The following UGGT1 variants were observed in gnomAD, a reference collection of about 807,000 sequenced individuals.
UGGT1 encodes the protein UDP-glucose glycoprotein glucosyltransferase 1.
A neutral mutation model predicts 203.9 loss-of-function variants in UGGT1; 107 were observed. That is an observed-to-expected ratio of 0.52 (90% CI 0.45 to 0.62). The LOEUF (loss-of-function observed/expected upper bound fraction) is 0.62. UGGT1 is among the 20% of genes least tolerant of loss of function. The pLI is 0.00. For synonymous variants in UGGT1, 628 were observed against 653.5 expected (o/e 0.96, Z 0.59); for missense variants, 1,673 against 1,867.2 (o/e 0.90, Z 1.92).
rs200683999 is a variant in UGGT1, at chr2:128,145,886, G to C, written c.1935G>C (p.Gln645His). ...ATGGAATGCCCTTTGAAAGGGAACA[G>C]CTAGACCCTGATGAGTTAGAAACCA... The part of the protein sequence containing the change: ...LFNGMPFERE[Q>H]LDPDELETIT... The change falls in exon 18 of 41, where the codon CAG becomes CAC. Residue 645 changes from glutamine to histidine, a missense_variant. Gln to His is a conservative substitution (Grantham distance 24, BLOSUM62 0). Around this residue, in one of 4 missense-constraint regions of UGGT1, gnomAD observed 1,073 missense variants for 1,078.7 expected, o/e 0.99. Transcript: ENST00000259253. 3 of 1,614,162 alleles carry C rather than the reference G, an allele frequency of 1.9e-6. No homozygotes were observed. Among genetic ancestry groups the C allele is most frequent in the African/African-American group, 1.3e-5 (1 of 75,052 alleles).
chr2:128,187,864 T>TTG (rs1270601219), intron 40 of UGGT1, among the ~76,000 whole-genome samples: 1 of 151,794 alleles, frequency 6.6e-6, no homozygotes, highest in East Asian at 1.9e-4. Flanking sequence ...GGTATTTTAA[T>TTG]TGTGATTATA....
At chr2:128,155,409 G>C (rs1317521396) in intron 19 of UGGT1, 80 bp from the exon 20 acceptor site, 3 of 1,046,166 alleles carry the variant, frequency 2.9e-6, no homozygotes, top group Non-Finnish European at 4.3e-6. Context: ...CTTATATTAT[G>C]ATCAAGTCAG....
At chr2:128,127,821 C>T (rs1254969422) in intron 12 of UGGT1, among the ~76,000 whole-genome samples, 1 of 152,192 alleles carries the variant, frequency 6.6e-6, no homozygotes. Context: ...TGCCTGAAAT[C>T]CCAGCACTTT....
intron 25 of UGGT1, 86 bp from the exon 26 acceptor site, chr2:128,164,644 A>G: frequency 9.3e-7 from 1 of 1,071,856 alleles, no homozygotes; most frequent in Non-Finnish European, 1.4e-6. Context: ...GTTAGAATTC[A>G]GTATTTGGGC....
intron 16 of UGGT1, among the ~76,000 whole-genome samples, chr2:128,142,642 T>C (rs915312799): frequency 1.6e-4 from 23 of 145,276 alleles, no homozygotes; most frequent in South Asian, 6.5e-4. Flanking sequence ...CTTAGTAAGG[T>C]ATATGGAAAA....
At chr2:128,182,698 C>CAAAA (rs70988612) in intron 37 of UGGT1, among the ~76,000 whole-genome samples, 1 of 118,332 alleles carries the variant, frequency 8.5e-6, no homozygotes, top group African/African-American at 3.2e-5. Flanking sequence ...GATTCCATCT[C>CAAAA]AAAAAAAAAA....
In UGGT1 at chr2:128,190,086, G is replaced by A. The variant is rs554005295; in HGVS notation, c.*344G>A. The A allele has an allele frequency of 3.4e-5, 7 of 206,360 alleles. No individual in the cohort carries two copies. The highest frequency in any genetic ancestry group is 5.4e-5 in the Admixed American group (1 of 18,574). The allele number at this position is 206,360 out of a possible 1,614,324, so 12.8% of individuals were successfully genotyped here. A position where few individuals can be genotyped will look rare whatever the true frequency, so the allele number is the denominator to read the frequency against. ...GAGCACACACATGCTGCACTGTCTCGGAAAGCAGGGCCAGCTAGAGCCACC... is the reference window on the plus strand; with the variant it reads ...GAGCACACACATGCTGCACTGTCTCAGAAAGCAGGGCCAGCTAGAGCCACC... On this transcript the variant is annotated 3_prime_UTR_variant, in exon 41 of 41. Transcript: ENST00000259253.
chr2:128,138,488 C>T (rs1689250010), intron 15 of UGGT1, among the ~76,000 whole-genome samples: 1 of 151,564 alleles, frequency 6.6e-6, no homozygotes, highest in African/African-American at 2.4e-5. Context: ...GCACTCCACC[C>T]TGGGCAACAA....
chr2:128,149,079 C>T (rs1689823405), intron 18 of UGGT1, among the ~76,000 whole-genome samples: 1 of 152,134 alleles, frequency 6.6e-6, no homozygotes, highest in East Asian at 2.0e-4. Flanking sequence ...GTCTCTCTGT[C>T]ACCCAGGCTG....
chr2:128,151,432 A>G (rs1252374694), intron 18 of UGGT1: 1 of 357,826 alleles, frequency 2.8e-6, no homozygotes, highest in East Asian at 6.2e-5. Flanking sequence ...ATTGGAGTCA[A>G]GTAGATTTAT....
chr2:128,156,429 T>C lies in UGGT1; in HGVS notation c.2260+14T>C. 1 of 1,578,752 alleles carries C rather than the reference T, an allele frequency of 6.3e-7. No individual in the cohort carries two copies. Among genetic ancestry groups the C allele is most frequent in the Non-Finnish European group, 8.7e-7 (1 of 1,150,102 alleles). On this transcript the variant is annotated intron_variant, in intron 21 of 40. Coordinates refer to ENST00000259253, the MANE Select transcript of UGGT1 (RefSeq NM_020120.4). ...AGGAAATCTATGGTAACTTAAAACT[T>C]CAGAATGTTCTATTTCTTAATTTTC...
intron 17 of UGGT1, among the ~76,000 whole-genome samples, chr2:128,144,656 G>A (rs1689592811): frequency 6.6e-6 from 1 of 152,218 alleles, no homozygotes; most frequent in African/African-American, 2.4e-5. Flanking sequence ...ATGATGTAGA[G>A]AAGTGGCTTG....
intron 14 of UGGT1, 34 bp downstream of exon 14, chr2:128,133,294 G>C: frequency 1.3e-6 from 2 of 1,557,692 alleles, no homozygotes; most frequent in East Asian, 2.4e-5. Context: ...TGTGAACTCT[G>C]TTTCTCCCTT....
intron 1 of UGGT1, among the ~76,000 whole-genome samples, chr2:128,095,062 T>G (rs1687049120): frequency 1.3e-5 from 2 of 152,154 alleles, no homozygotes; most frequent in African/African-American, 2.4e-5. Flanking sequence ...CCCAAGAGAA[T>G]TCTTAAGTTG....
At chr2:128,108,621 T>C (rs1687712336) in intron 4 of UGGT1, among the ~76,000 whole-genome samples, 2 of 152,036 alleles carry the variant, frequency 1.3e-5, no homozygotes, top group Non-Finnish European at 2.9e-5. Context: ...ATAAAAGCAA[T>C]GCTAATTTTA....
rs1689544561 is a variant in UGGT1, at chr2:128,143,642, C to T, written c.1851+417C>T. On this transcript the variant is annotated intron_variant, in intron 17 of 40. Transcript: ENST00000259253. Reference sequence around the variant, plus strand: ...GCTGAAAAATTGAATGAGAGTATCACACACCATGCTCCTTAGTTTCCTAGA... The same window carrying T: ...GCTGAAAAATTGAATGAGAGTATCATACACCATGCTCCTTAGTTTCCTAGA... Among the ~76,000 whole-genome samples the T allele has an allele frequency of 2.6e-5, 4 of 152,266 alleles. No homozygotes were observed. In the South Asian group the frequency reaches 8.3e-4, roughly 31 times the overall value.
At chr2:128,117,477 GCAT>G (rs1356589023) in intron 8 of UGGT1, among the ~76,000 whole-genome samples, 3 of 151,894 alleles carry the variant, frequency 2.0e-5, no homozygotes, top group African/African-American at 4.8e-5. Context: ...TTTAATGAAA[GCAT>G]CATCATAACC....
At chr2:128,180,640 C>A (rs1166307100) in intron 35 of UGGT1, among the ~76,000 whole-genome samples, 1 of 152,174 alleles carries the variant, frequency 6.6e-6, no homozygotes, top group Non-Finnish European at 1.5e-5. Flanking sequence ...GGATATACAT[C>A]TAAAATCCTT....
At position 128,164,796 on chromosome 2, in the gene UGGT1, C is replaced by T. The variant is rs143403383; in HGVS notation, c.2892C>T (p.Ile964=). 15 of 1,607,302 alleles carry T rather than the reference C, an allele frequency of 9.3e-6. No homozygotes were observed. The highest frequency in any genetic ancestry group is 6.7e-5 in the African/African-American group (5 of 74,258). ...LSAQPKGDPR[I]EYQFFEDRHS... The stretch of plus-strand genomic sequence containing the variant: ...CGCAACCAAAAGGAGATCCAAGAAT[C>T]GAGTACCAGTTTTTTGAAGACAGAC... Residue 964 remains isoleucine, a synonymous_variant, in exon 26 of 41, where the codon ATC becomes ATT. Coordinates refer to ENST00000259253, the MANE Select transcript of UGGT1 (RefSeq NM_020120.4).
Sources: allele counts gnomAD v4.1 joint callset (sites outside exome capture counted in the v4.1 genomes callset), GRCh38; gene constraint gnomAD v4.1.1; regional missense constraint gnomAD v4.1.1; transcripts MANE v1.5; gene names NCBI Gene and HGNC (gene_info 2026-07-23, HGNC 2026-07-21).